The following CHD1L variants were observed in gnomAD, a reference collection of about 807,000 sequenced individuals.
CHD1L encodes the protein ATP-dependent chromatin remodeler CHD1L.
Under a neutral mutation model 115.9 loss-of-function variants are expected in CHD1L, and 118 were observed. The observed-to-expected ratio is 1.02, with a 90% CI of 0.88 to 1.19. CHD1L has a LOEUF of 1.19. Ranked by LOEUF, CHD1L falls within the 50% of genes most tolerant of loss-of-function variation. The pLI is 0.00. For missense variants in CHD1L, 1,179 were observed against 1,065.3 expected, an observed-to-expected ratio of 1.11 and a Z score of -1.49; for synonymous variants, 411 against 387.1, an observed-to-expected ratio of 1.06 and a Z score of -0.72.
At chr1:147,288,340 A>AAAG (rs1684169645) in intron 19 of CHD1L, among the ~76,000 whole-genome samples, 1 of 960 alleles carries the variant, frequency 1.0e-3, no homozygotes, top group African/African-American at 1.4e-3. Flanking sequence ...AAAAAAAAAA[A>AAAG]AAAAAAGAAA....
chr1:147,276,403 G>T, intron 14 of CHD1L, 146 bp downstream of exon 14: 1 of 781,122 alleles, frequency 1.3e-6, no homozygotes. Flanking sequence ...AGTGCTGGCT[G>T]TGTGCAGGGT....
chr1:147,187,150 G>A, the CHD1L span: 2 of 1,614,132 alleles, frequency 1.2e-6, no homozygotes, highest in Admixed American at 3.3e-5. Context: ...GAAGGCCAGA[G>A]ACAGCAGATT....
intron 1 of CHD1L, among the ~76,000 whole-genome samples, chr1:147,246,477 G>A (rs1267926483): frequency 6.6e-6 from 1 of 152,212 alleles, no homozygotes; most frequent in Admixed American, 6.5e-5. Context: ...TAAAGAAGCT[G>A]CCAAACTGTT....
chr1:147,242,741 C>T lies in CHD1L; in HGVS notation c.38C>T (p.Ala13Val). 1.6e-6 allele frequency: 2 copies of T among 1,262,422 alleles called. No homozygotes were observed. The highest frequency in any genetic ancestry group is 2.0e-6 in the Non-Finnish European group (2 of 997,732). The allele number at this position is 1,262,422 out of a possible 1,614,324, so 78.2% of individuals were successfully genotyped here. A position where few individuals can be genotyped will look rare whatever the true frequency, so the allele number is the denominator to read the frequency against. ...RAGATSRGGQ[A>V]PGFLLRLHTE... ...GGCGCTACTAGCCGCGGGGGCCAAGCCCCTGGCTTCTTACTGCGGCTTCAT... is the reference window on the plus strand; with the variant it reads ...GGCGCTACTAGCCGCGGGGGCCAAGTCCCTGGCTTCTTACTGCGGCTTCAT... Residue 13 changes from alanine (A) to valine (V), a missense_variant, in exon 1 of 23, where the codon GCC (alanine) becomes GTC (valine). By Grantham distance (64) the Ala-to-Val change is moderately conservative. Coordinates refer to ENST00000369258, the MANE Select transcript of CHD1L (RefSeq NM_004284.6).
At chr1:147,229,861 T>C in the CHD1L span, among the ~76,000 whole-genome samples, 1 of 151,988 alleles carries the variant, frequency 6.6e-6, no homozygotes, top group Non-Finnish European at 1.5e-5. Flanking sequence ...ATTGATTTTG[T>C]ATCCTGAGAC....
chr1:147,281,793 A>G (rs1206218171), intron 15 of CHD1L, among the ~76,000 whole-genome samples: 1 of 151,652 alleles, frequency 6.6e-6, no homozygotes, highest in African/African-American at 2.4e-5. Context: ...ACTTCTTTAA[A>G]AAAATATATA....
At chr1:147,177,645 C>T in the CHD1L span, among the ~76,000 whole-genome samples, 4 of 152,198 alleles carry the variant, frequency 2.6e-5, no homozygotes, top group African/African-American at 4.8e-5. Context: ...GTTTCCTCCC[C>T]GAAACTCATT....
At chr1:147,211,341 C>A in the CHD1L span, 1 of 152,098 alleles carries the variant, frequency 6.6e-6, no homozygotes, top group South Asian at 2.1e-4. Context: ...TACGTTTTAA[C>A]CCTTGTTTAT....
intron 14 of CHD1L, 56 bp from the exon 15 acceptor site, chr1:147,279,970 T>C (rs1422252319): frequency 6.3e-7 from 1 of 1,585,070 alleles, no homozygotes; most frequent in South Asian, 1.1e-5. Context: ...ATCACTGATA[T>C]CCTAATGTTT....
chr1:147,290,239 A>G (rs1038530104), intron 19 of CHD1L, among the ~76,000 whole-genome samples: 4 of 151,796 alleles, frequency 2.6e-5, no homozygotes, highest in Non-Finnish European at 5.9e-5. Flanking sequence ...GCACACCACC[A>G]TGCCCGGCCA....
chr1:147,266,175 G>A, intron 8 of CHD1L, 88 bp downstream of exon 8: 1 of 1,261,680 alleles, frequency 7.9e-7, no homozygotes, highest in Non-Finnish European at 1.1e-6. Context: ...TCATTTGTAT[G>A]ATCCCAAGAA....
intron 16 of CHD1L, among the ~76,000 whole-genome samples, chr1:147,284,838 A>G (rs1246093343): frequency 6.6e-6 from 1 of 152,224 alleles, no homozygotes; most frequent in Admixed American, 6.5e-5. Flanking sequence ...AGAGGATGGC[A>G]ATCATAAATG....
At chr1:147,228,281 C>T in the CHD1L span, among the ~76,000 whole-genome samples, 88,137 of 151,256 alleles carry the variant, frequency 0.58, 27,690 homozygotes, top group East Asian at 0.87. Flanking sequence ...GTCCTTGCAA[C>T]AGTTTGCTGA....
chr1:147,243,056 C>A (rs928273477), intron 1 of CHD1L: 2 of 410,440 alleles, frequency 4.9e-6, no homozygotes, highest in Non-Finnish European at 8.0e-6. Flanking sequence ...TGAATGAGGT[C>A]GCGGGCCCGG....
At chr1:147,204,957 C>T in the CHD1L span, 54 of 1,412,160 alleles carry the variant, frequency 3.8e-5, no homozygotes, top group Admixed American at 7.2e-4. Flanking sequence ...AAGCCGTTCA[C>T]GTGACCGCTC....
chr1:147,242,884 C>G lies in CHD1L; in HGVS notation c.127+54C>G, dbSNP rs114684229. The G allele has an allele frequency of 2.5e-3, 3,091 of 1,247,318 alleles. 59 individuals carry two copies. The African/African-American group carries it at 0.044, about 18-fold the overall frequency. The allele number at this position is 1,247,318 out of a possible 1,614,324, so 77.3% of individuals were successfully genotyped here. ...AGGCGGGCCAACCTATTGGGACTGC[C>G]TCTTGCGGGCCGGGGGCGCAGCGGG... On this transcript the variant is annotated intron_variant, in intron 1 of 22. Transcript: ENST00000369258.
chr1:147,267,466 G>C lies in CHD1L; in HGVS notation c.936G>C (p.Gln312His), dbSNP rs782452148. 1.5e-5 allele frequency: 24 copies of C among 1,612,888 alleles called. No individual in the cohort carries two copies. Among genetic ancestry groups the C allele is most frequent in the Middle Eastern group, 3.3e-4 (2 of 6,058 alleles). ...AGACGGCAAAGAAAGTTAAACTACA[G>C]AACATTTTGTCCCAGCTTCGAAAGT... ...ENETAKKVKL[Q>H]NILSQLRKCV... is the part of the protein sequence containing the mutation. The change falls in exon 9 of 23, where the codon CAG becomes CAC. Residue 312 changes from glutamine (Q) to histidine (H), a missense_variant. Transcript: ENST00000369258.
intron 8 of CHD1L, 76 bp downstream of exon 8, chr1:147,266,163 A>G: frequency 1.5e-6 from 2 of 1,364,090 alleles, no homozygotes; most frequent in Non-Finnish European, 2.0e-6. Context: ...TTATAATCAC[A>G]CTCATTTGTA....
chr1:147,212,554 T>A, the CHD1L span: 1 of 1,606,760 alleles, frequency 6.2e-7, no homozygotes, highest in Non-Finnish European at 8.5e-7. Context: ...GAAGGGAAAA[T>A]AATTATTGGG....
Sources: gnomAD v4.1 joint callset for allele counts (sites outside exome capture counted in the v4.1 genomes callset) on GRCh38, gnomAD v4.1.1 for gene constraint, MANE v1.5 for transcripts, NCBI Gene and HGNC (gene_info 2026-07-23, HGNC 2026-07-21) for gene names.